Variants in PPP2R3A observed in about 807,000 individuals in gnomAD.
PPP2R3A encodes serine/threonine-protein phosphatase 2A regulatory subunit B'' subunit alpha.
PPP2R3A carries 80 observed loss-of-function variants against 106.9 expected under a neutral mutation model. The ratio of observed to expected loss-of-function variants is 0.75; its 90% CI spans 0.62 to 0.90. The LOEUF is 0.90. Among genes scored for constraint, PPP2R3A ranks in the 40% least tolerant of loss-of-function variants. The pLI is 0.00. For synonymous variants in PPP2R3A, 483 were observed against 468.3 expected (o/e 1.03, Z -0.41); for missense variants, 1,386 against 1,350.4 (o/e 1.03, Z -0.41).
chr3:136,023,225 T>C (rs761455470), intron 2 of PPP2R3A: 1 of 1,536,838 alleles, frequency 6.5e-7, no homozygotes, highest in Non-Finnish European at 8.9e-7. Context: ...GTGTTTTGTT[T>C]TGTTTTGTTT....
In PPP2R3A at chr3:135,982,265, T is replaced by C. The variant is rs576759530; in HGVS notation, c.-441+16416T>C. ...TAAAAAGTTCTGTTTCACAATAATGTACTCCAGTTGTGCATCTACTGGGTC... is the reference window on the plus strand; with the variant it reads ...TAAAAAGTTCTGTTTCACAATAATGCACTCCAGTTGTGCATCTACTGGGTC... On this transcript the variant is annotated intron_variant, in intron 1 of 13. Coordinates refer to ENST00000264977, the MANE Select transcript of PPP2R3A (RefSeq NM_002718.5). 4.6e-4 allele frequency among the ~76,000 whole-genome samples: 68 copies of C among 149,146 alleles called. 1 individual carries two copies. The highest frequency in any genetic ancestry group is 3.4e-3 in the Middle Eastern group (1 of 294).
intron 13 of PPP2R3A, chr3:136,106,943 A>AC (rs1052238197): frequency 1.6e-5 from 2 of 127,426 alleles, no homozygotes; most frequent in African/African-American, 3.3e-5. Flanking sequence ...AAAAAAAAAA[A>AC]AAAAAAAAAA....
intron 4 of PPP2R3A, among the ~76,000 whole-genome samples, chr3:136,043,866 G>GA (rs555759987): frequency 1.1e-3 from 171 of 152,238 alleles, no homozygotes; most frequent in Admixed American, 5.8e-3. Context: ...TAGCTTTCAT[G>GA]ACTTTTATCA....
In PPP2R3A at chr3:136,023,701, AGACAATTGTG is replaced by A. The variant is rs550387302; in HGVS notation, c.1996-3130_1996-3121del. The stretch of plus-strand genomic sequence containing the variant: ...TAAAGCAAGACGTATTTGTCTATAT[AGACAATTGTG>A]TATGTGTGTGTCGTAATGTATGTAG... On this transcript the variant is annotated intron_variant, in intron 2 of 13. Transcript: ENST00000264977. Among the ~76,000 whole-genome samples the A allele has an allele frequency of 1.9e-3, 295 of 152,260 alleles. 1 individual carries two copies. Among genetic ancestry groups the A allele is most frequent in the African/African-American group, 6.6e-3 (276 of 41,568 alleles).
chr3:136,003,535 A>ATGT, intron 2 of PPP2R3A, 42 bp downstream of exon 2: 1 of 1,496,176 alleles, frequency 6.7e-7, no homozygotes, highest in South Asian at 1.4e-5. Flanking sequence ...TCTTTAAAAA[A>ATGT]TGTTTAGTGT....
At chr3:136,026,135 A>G (rs1158563965) in intron 2 of PPP2R3A, among the ~76,000 whole-genome samples, 1 of 152,126 alleles carries the variant, frequency 6.6e-6, no homozygotes, top group African/African-American at 2.4e-5. Context: ...ATTAAACTGT[A>G]AAGGGAGTTT....
At chr3:136,025,976 C>T (rs935871303) in intron 2 of PPP2R3A, among the ~76,000 whole-genome samples, 1 of 152,090 alleles carries the variant, frequency 6.6e-6, no homozygotes, top group Non-Finnish European at 1.5e-5. Flanking sequence ...TAATGGTGTA[C>T]CTCCCCTCCC....
chr3:136,008,689 A>G (rs1933935050), intron 2 of PPP2R3A, among the ~76,000 whole-genome samples: 1 of 152,166 alleles, frequency 6.6e-6, no homozygotes, highest in Middle Eastern at 3.2e-3. Flanking sequence ...TGGGGTACAT[A>G]TGCTCAATAT....
At chr3:136,053,167 A>T (rs1935738139) in intron 5 of PPP2R3A, among the ~76,000 whole-genome samples, 1 of 152,186 alleles carries the variant, frequency 6.6e-6, no homozygotes, top group African/African-American at 2.4e-5. Context: ...AGCAGAAAAG[A>T]TAACTATTGG....
intron 9 of PPP2R3A, among the ~76,000 whole-genome samples, chr3:136,088,344 AC>A (rs1171624428): frequency 4.6e-5 from 7 of 152,170 alleles, no homozygotes; most frequent in African/African-American, 1.7e-4. Flanking sequence ...GTGAGAACAT[AC>A]GGTATTTGGT....
At chr3:136,069,763 A>G (rs918896811) in intron 5 of PPP2R3A, among the ~76,000 whole-genome samples, 3 of 152,148 alleles carry the variant, frequency 2.0e-5, no homozygotes, top group African/African-American at 4.8e-5. Context: ...TGGCATAGCT[A>G]TTTCCTCTGG....
intron 3 of PPP2R3A, 151 bp downstream of exon 3, chr3:136,027,249 G>C (rs897009205): frequency 1.4e-6 from 1 of 719,988 alleles, no homozygotes. Context: ...TTCCCATAGT[G>C]ATCTTCCATT....
chr3:136,070,308 T>TAA (rs1432715555), intron 5 of PPP2R3A, among the ~76,000 whole-genome samples, 170 bp from the exon 6 acceptor site: 3 of 152,240 alleles, frequency 2.0e-5, no homozygotes, highest in African/African-American at 7.2e-5. Context: ...AAAGCACACA[T>TAA]AAGTATGCTT....
At chr3:136,125,749 T>C (rs1001622677) in intron 13 of PPP2R3A, among the ~76,000 whole-genome samples, 7 of 152,030 alleles carry the variant, frequency 4.6e-5, no homozygotes, top group African/African-American at 1.7e-4. Context: ...TTATAAAATA[T>C]TAACATATCA....
intron 13 of PPP2R3A, among the ~76,000 whole-genome samples, chr3:136,118,207 A>C (rs995944354): frequency 1.3e-5 from 2 of 152,210 alleles, no homozygotes; most frequent in African/African-American, 4.8e-5. Context: ...TCAATAAACT[A>C]GGTATTGATG....
intron 13 of PPP2R3A, among the ~76,000 whole-genome samples, chr3:136,124,214 G>C (rs1938098469): frequency 6.6e-6 from 1 of 152,152 alleles, no homozygotes; most frequent in African/African-American, 2.4e-5. Context: ...GATGGACTGG[G>C]CACAGTGGCT....
chr3:136,089,863 G>C (rs891876096), intron 9 of PPP2R3A, among the ~76,000 whole-genome samples: 2 of 152,050 alleles, frequency 1.3e-5, no homozygotes, highest in African/African-American at 4.8e-5. Flanking sequence ...TTGTGTGTGT[G>C]TGGCTATTGT....
intron 13 of PPP2R3A, among the ~76,000 whole-genome samples, chr3:136,138,030 G>A (rs187359897): frequency 6.6e-6 from 1 of 152,278 alleles, no homozygotes; most frequent in Non-Finnish European, 1.5e-5. Flanking sequence ...ATGGAGGCTT[G>A]TGTGTATATA....
intron 2 of PPP2R3A, chr3:136,023,020 T>A: frequency 6.3e-7 from 1 of 1,597,006 alleles, no homozygotes; most frequent in Non-Finnish European, 8.5e-7. Flanking sequence ...AATCTGATTA[T>A]CTTCAGAAGT....
Sources: gnomAD v4.1 joint callset for allele counts (sites outside exome capture counted in the v4.1 genomes callset) on GRCh38, gnomAD v4.1.1 for gene constraint, MANE v1.5 for transcripts, NCBI Gene and HGNC (gene_info 2026-07-23, HGNC 2026-07-21) for gene names.